Variants in PSIP1 observed in about 807,000 individuals in gnomAD.
PSIP1 encodes PC4 and SRSF1 interacting protein 1, also known as PC4 and SFRS1-interacting protein.
Under a neutral mutation model 74.7 loss-of-function variants are expected in PSIP1, and 19 were observed. That is an observed-to-expected ratio of 0.25 (90% CI 0.18 to 0.37). The LOEUF is 0.37. Ranked by LOEUF, PSIP1 falls within the 10% of genes least tolerant of loss-of-function variation. PSIP1 has a pLI of 1.00. For missense variants in PSIP1, 601 were observed against 614.3 expected (o/e 0.98, Z 0.23); for synonymous variants, 222 against 195.3 (o/e 1.14, Z -1.14).
At chr9:15,472,795 G>A (rs753234048) in intron 9 of PSIP1, 45 bp from the exon 10 acceptor site, 1 of 1,500,134 alleles carries the variant, frequency 6.7e-7, no homozygotes, top group Non-Finnish European at 9.0e-7. Context: ...TAAAGTCAGT[G>A]ACTAGTGCTT....
At chr9:15,496,444 G>C (rs2037079641) in intron 3 of PSIP1, among the ~76,000 whole-genome samples, 1 of 152,162 alleles carries the variant, frequency 6.6e-6, no homozygotes, top group East Asian at 1.9e-4. Context: ...CACAAAATAA[G>C]ACATAGCAAA....
chr9:15,496,717 C>A (rs1194722745), intron 3 of PSIP1, among the ~76,000 whole-genome samples: 1 of 152,084 alleles, frequency 6.6e-6, no homozygotes, highest in South Asian at 2.1e-4. Context: ...TCTTAATATA[C>A]CAAAAATTAA....
chr9:15,469,661 T>G (rs963379839), intron 11 of PSIP1, among the ~76,000 whole-genome samples: 6 of 152,116 alleles, frequency 3.9e-5, no homozygotes, highest in Admixed American at 2.0e-4. Context: ...ACCAAGGGAT[T>G]TGTCTGAAAT....
In PSIP1 at chr9:15,464,954, T is replaced by C. The variant is rs1051172429; in HGVS notation, c.*566A>G. ...CAAAAAAAACCATACAGAGCACACA[T>C]TGTTCCAAAGAAGCTGGATAATGTA... On this transcript the variant is annotated 3_prime_UTR_variant, in exon 16 of 16. Coordinates refer to ENST00000380733, the MANE Select transcript of PSIP1 (RefSeq NM_033222.5). 20 of 215,894 alleles carry C rather than the reference T, an allele frequency of 9.3e-5. No individual in the cohort carries two copies. Among genetic ancestry groups the C allele is most frequent in the Middle Eastern group, 1.4e-3 (1 of 704 alleles). The allele number at this position is 215,894 out of a possible 1,614,324, so 13.4% of individuals were successfully genotyped here. A position where few individuals can be genotyped will look rare whatever the true frequency, so the allele number is the denominator to read the frequency against.
At chr9:15,497,325 C>CTATTTTTTTTTT (rs2037124366) in intron 3 of PSIP1, among the ~76,000 whole-genome samples, 2 of 118,594 alleles carry the variant, frequency 1.7e-5, no homozygotes, top group African/African-American at 8.0e-5. Flanking sequence ...TCTATGATTC[C>CTATTTTTTTTTT]TTTTTTTTTT....
chr9:15,483,007 T>A (rs1450843818), intron 6 of PSIP1, among the ~76,000 whole-genome samples: 1 of 152,152 alleles, frequency 6.6e-6, no homozygotes, highest in Admixed American at 6.5e-5. Flanking sequence ...TGATACCCTC[T>A]TAGATTTTCT....
At chr9:15,504,420 C>T (rs1250237421) in intron 3 of PSIP1, among the ~76,000 whole-genome samples, 1 of 152,030 alleles carries the variant, frequency 6.6e-6, no homozygotes. Context: ...AAAATAGTAA[C>T]GTAAGAATGG....
At chr9:15,497,278 C>T (rs890294522) in intron 3 of PSIP1, among the ~76,000 whole-genome samples, 2 of 150,422 alleles carry the variant, frequency 1.3e-5, no homozygotes, top group Admixed American at 1.3e-4. Context: ...AAAACATCAT[C>T]CTAAGTGAGA....
At position 15,485,988 on chromosome 9, in the gene PSIP1, G is replaced by GT. The variant is rs1344294907; in HGVS notation, c.456+17dup. Reference sequence around the variant, plus strand: ...AATTCTTTTCAGATCCCCATGGTTGGTAAGTCAGTGAAATTACCTTTCTCT... The same window carrying GT: ...AATTCTTTTCAGATCCCCATGGTTGGTTAAGTCAGTGAAATTACCTTTCTCT... On this transcript the variant is annotated intron_variant, in intron 6 of 15. Coordinates refer to ENST00000380733, the MANE Select transcript of PSIP1 (RefSeq NM_033222.5). 5.7e-6 allele frequency: 9 copies of GT among 1,583,652 alleles called. No homozygotes were observed. The highest frequency in any genetic ancestry group is 1.4e-5 in the African/African-American group (1 of 74,032).
chr9:15,489,977 A>G lies in PSIP1; in HGVS notation c.288+9T>C. The G allele has an allele frequency of 6.5e-7, 1 of 1,546,286 alleles. No homozygotes were observed. The highest frequency in any genetic ancestry group is 8.7e-7 in the Non-Finnish European group (1 of 1,144,582). ...TAAGTAATATCAAATTTTATGTAATATGACTTACCTGTTGACTTGAAAATT... is the reference window on the plus strand; with the variant it reads ...TAAGTAATATCAAATTTTATGTAATGTGACTTACCTGTTGACTTGAAAATT... On this transcript the variant is annotated intron_variant, in intron 4 of 15. Coordinates refer to ENST00000380733, the MANE Select transcript of PSIP1 (RefSeq NM_033222.5).
rs1454446427 is a variant in PSIP1 at position 15,466,791 on chromosome 9, T to C, written c.1489A>G (p.Asn497Asp). 1 of 1,613,730 alleles carries C rather than the reference T, an allele frequency of 6.2e-7. No individual in the cohort carries two copies. Among genetic ancestry groups the C allele is most frequent in the Non-Finnish European group, 8.5e-7 (1 of 1,179,868 alleles). Residue 497 changes from asparagine (N) to aspartate (D), a missense_variant, in exon 15 of 16, where the codon AAT becomes GAT. Coordinates refer to ENST00000380733, the MANE Select transcript of PSIP1 (RefSeq NM_033222.5). ...GNQPQHNGES[N>D]EDSKDNHEAS... is the part of the protein sequence containing the mutation. Reference sequence around the variant, plus strand: ...TCATGGTTGTCTTTGCTGTCTTCATTGCTCTCCCCGTTATGTTGTGGCTGA... The same window carrying C: ...TCATGGTTGTCTTTGCTGTCTTCATCGCTCTCCCCGTTATGTTGTGGCTGA...
At chr9:15,492,234 T>G (rs1348551721) in intron 3 of PSIP1, 1 of 152,130 alleles carries the variant, frequency 6.6e-6, no homozygotes, top group Non-Finnish European at 1.5e-5. Context: ...GCCTGTAAAA[T>G]CAAAAGCAAG....
chr9:15,504,302 CAGTTT>C (rs1334620159), intron 3 of PSIP1, among the ~76,000 whole-genome samples: 4 of 152,208 alleles, frequency 2.6e-5, no homozygotes, highest in Middle Eastern at 3.4e-3. Context: ...AACCAAACAA[CAGTTT>C]AGTTATTTAG....
intron 3 of PSIP1, among the ~76,000 whole-genome samples, chr9:15,499,583 C>G (rs1205821972): frequency 6.6e-6 from 1 of 152,026 alleles, no homozygotes; most frequent in Non-Finnish European, 1.5e-5. Context: ...TTAAAAGAAA[C>G]AAGTCACAGG....
chr9:15,502,923 G>A (rs887242116), intron 3 of PSIP1, among the ~76,000 whole-genome samples: 1 of 152,154 alleles, frequency 6.6e-6, no homozygotes, highest in Admixed American at 6.5e-5. Flanking sequence ...TGTAGGCCAG[G>A]AAAAGAATGC....
chr9:15,507,801 GA>G (rs1434650025), intron 2 of PSIP1, among the ~76,000 whole-genome samples: 1 of 152,188 alleles, frequency 6.6e-6, no homozygotes, highest in Admixed American at 6.5e-5. Flanking sequence ...TGTTGCAGAA[GA>G]AGACCATCAG....
chr9:15,474,335 A>T, intron 8 of PSIP1, 98 bp from the exon 9 acceptor site: 1 of 1,055,748 alleles, frequency 9.5e-7, no homozygotes, highest in Non-Finnish European at 1.3e-6. Context: ...GCAAATCTAA[A>T]ACAAAGTAAA....
chr9:15,468,123 TAAA>T (rs34755757), intron 14 of PSIP1, among the ~76,000 whole-genome samples: 61 of 140,472 alleles, frequency 4.3e-4, no homozygotes, highest in Non-Finnish European at 5.5e-4. Context: ...CTCCATCTTT[TAAA>T]AAAAAAAAAA....
At chr9:15,501,840 CATATATATATATAT>C (rs112671758) in intron 3 of PSIP1, among the ~76,000 whole-genome samples, 2 of 124,532 alleles carry the variant, frequency 1.6e-5, no homozygotes, top group African/African-American at 7.3e-5. Context: ...TATAAAACAG[CATATATATATATAT>C]ATATATATAT....
Sources: allele counts gnomAD v4.1 joint callset (sites outside exome capture counted in the v4.1 genomes callset), GRCh38; gene constraint gnomAD v4.1.1; transcripts MANE v1.5; gene names NCBI Gene and HGNC (gene_info 2026-07-23, HGNC 2026-07-21).